Variants in ADAM9 observed in about 807,000 individuals in gnomAD.
ADAM9 encodes disintegrin and metalloproteinase domain-containing protein 9.
A neutral mutation model predicts 108.1 loss-of-function variants in ADAM9; 54 were observed. The observed-to-expected ratio is 0.50, with a 90% CI of 0.40 to 0.63. The LOEUF (loss-of-function observed/expected upper bound fraction) is 0.63. Among genes scored for constraint, ADAM9 ranks in the 20% least tolerant of loss-of-function variants. ADAM9 has a pLI of 0.00. For missense variants in ADAM9, 830 were observed against 997.7 expected, an observed-to-expected ratio of 0.83 and a Z score of 2.26; for synonymous variants, 316 against 336.0, an observed-to-expected ratio of 0.94 and a Z score of 0.65.
intron 14 of ADAM9, among the ~76,000 whole-genome samples, chr8:39,061,410 A>T (rs1290259549): frequency 6.6e-6 from 1 of 152,206 alleles, no homozygotes; most frequent in Non-Finnish European, 1.5e-5. Flanking sequence ...TTCATCTATC[A>T]CCTGACCTTC....
chr8:39,084,661 T>C (rs978582585), intron 18 of ADAM9, among the ~76,000 whole-genome samples: 1 of 151,968 alleles, frequency 6.6e-6, no homozygotes, highest in Non-Finnish European at 1.5e-5. Flanking sequence ...TTGAAAAGAA[T>C]GCGTATTCTA....
intron 6 of ADAM9, among the ~76,000 whole-genome samples, chr8:39,018,005 T>C (rs1291132745): frequency 2.6e-5 from 4 of 152,230 alleles, no homozygotes; most frequent in African/African-American, 9.6e-5. Context: ...TCAGATGTGT[T>C]TCAAGGACAC....
chr8:39,050,815 G>A (rs1172199508), intron 12 of ADAM9, among the ~76,000 whole-genome samples: 1 of 149,058 alleles, frequency 6.7e-6, no homozygotes, highest in Admixed American at 6.8e-5. Context: ...TCTTTCCAGG[G>A]AAAAGCTTGG....
intron 19 of ADAM9, 83 bp from the exon 20 acceptor site, chr8:39,091,176 T>A: frequency 7.6e-7 from 1 of 1,322,112 alleles, no homozygotes; most frequent in East Asian, 2.3e-5. Context: ...TATTCTGTAT[T>A]TGGGAAAATG....
chr8:39,083,797 G>T (rs1394304211), intron 18 of ADAM9, among the ~76,000 whole-genome samples: 1 of 152,106 alleles, frequency 6.6e-6, no homozygotes, highest in Non-Finnish European at 1.5e-5. Context: ...CAGTTTATCG[G>T]TATCTTTCTA....
In ADAM9 at chr8:39,051,722, C is replaced by T. The variant is rs887991641; in HGVS notation, c.1303-2759C>T. Reference sequence around the variant, plus strand: ...AAATTGACTTAAAATCTCTTGTGTGCAGATTTTTTTCTATTACGATATCCT... The same window carrying T: ...AAATTGACTTAAAATCTCTTGTGTGTAGATTTTTTTCTATTACGATATCCT... On this transcript the variant is annotated intron_variant, in intron 12 of 21. Transcript: ENST00000487273. Among the ~76,000 whole-genome samples the T allele has an allele frequency of 3.9e-5, 6 of 152,082 alleles. No homozygotes were observed. In the South Asian group the frequency reaches 8.3e-4, roughly 21 times the overall value.
Position 39,071,314 on chromosome 8 carries a change from C to T in ADAM9, c.1608C>T (p.Pro536=). The T allele has an allele frequency of 5.0e-6, 8 of 1,613,970 alleles. No individual in the cohort carries two copies. The highest frequency in any genetic ancestry group is 6.8e-6 in the Non-Finnish European group (8 of 1,180,006). Residue 536 remains proline (P), a synonymous_variant, in exon 15 of 22, where the codon CCC becomes CCT. Transcript: ENST00000487273. ...ATGTTACAGAAGCCAAGGCTGCCCC[C>T]AAAGATTGTTTCATTGAAGTGAATT... ...VIFGSKAKAA[P]KDCFIEVNSK...
intron 15 of ADAM9, chr8:39,076,094 G>GAA (rs1321800418): frequency 3.9e-5 from 6 of 152,196 alleles, no homozygotes; most frequent in South Asian, 2.1e-4. Flanking sequence ...GAACTTAATA[G>GAA]AAGTACAGTA....
chr8:39,082,635 T>C lies in ADAM9; in HGVS notation c.1882-6T>C. 1.2e-6 allele frequency: 2 copies of C among 1,611,340 alleles called. No individual in the cohort carries two copies. The highest frequency in any genetic ancestry group is 1.7e-6 in the Non-Finnish European group (2 of 1,178,428). ...TCTTTACTTAGTTCATTTTTTTTTTTTTCAGATCTGTAGAAACTTCCAGTG... is the reference window on the plus strand; with the variant it reads ...TCTTTACTTAGTTCATTTTTTTTTTCTTCAGATCTGTAGAAACTTCCAGTG... On this transcript the variant is annotated splice_region_variant and splice_polypyrimidine_tract_variant and intron_variant, in intron 16 of 21. Transcript: ENST00000487273.
chr8:39,099,470 G>T (rs1248967466), intron 20 of ADAM9, among the ~76,000 whole-genome samples: 1 of 152,064 alleles, frequency 6.6e-6, no homozygotes, highest in African/African-American at 2.4e-5. Flanking sequence ...TCCACTATTT[G>T]CAAGAAGTGA....
At chr8:39,053,626 T>C (rs560440471) in intron 12 of ADAM9, among the ~76,000 whole-genome samples, 1 of 152,268 alleles carries the variant, frequency 6.6e-6, no homozygotes, top group East Asian at 1.9e-4. Context: ...CTTATAAAGC[T>C]GTACCACAGA....
intron 12 of ADAM9, among the ~76,000 whole-genome samples, chr8:39,048,843 T>C (rs986921190): frequency 2.0e-5 from 3 of 152,080 alleles, no homozygotes; most frequent in Non-Finnish European, 4.4e-5. Flanking sequence ...TTGTGTTTTG[T>C]GACAATTCTG....
rs991293666 is a variant in ADAM9, at chr8:39,071,378, A to C, written c.1672A>C (p.Asn558His). The C allele has an allele frequency of 1.2e-6, 2 of 1,614,068 alleles. No individual in the cohort carries two copies. The highest frequency in any genetic ancestry group is 1.7e-6 in the Non-Finnish European group (2 of 1,179,966). Residue 558 changes from asparagine (N) to histidine (H), a missense_variant, in exon 15 of 22, where the codon AAT becomes CAT. This residue lies in a region of ADAM9 where 381 missense variants were observed against 539.8 expected (regional missense o/e 0.71). Transcript: ENST00000487273. Reference sequence around the variant, plus strand: ...ATTTGGCAATTGTGGTTTCTCTGGCAATGAATACAAGAAGTGTGCCACTGG... The same window carrying C: ...ATTTGGCAATTGTGGTTTCTCTGGCCATGAATACAAGAAGTGTGCCACTGG... The part of the protein sequence containing the change: ...DRFGNCGFSG[N>H]EYKKCATGNA...
chr8:39,052,853 G>A (rs544243703), intron 12 of ADAM9, among the ~76,000 whole-genome samples: 4 of 152,156 alleles, frequency 2.6e-5, no homozygotes, highest in East Asian at 3.9e-4. Context: ...TAAATGTCCC[G>A]GAGTAGAATG....
chr8:39,072,548 C>T (rs973393123), intron 15 of ADAM9, among the ~76,000 whole-genome samples: 3 of 152,140 alleles, frequency 2.0e-5, no homozygotes, highest in African/African-American at 4.8e-5. Flanking sequence ...CATGTGATTT[C>T]GTTTACTTCC....
At chr8:39,034,073 T>C (rs72638579) in intron 11 of ADAM9, among the ~76,000 whole-genome samples, 2,871 of 152,262 alleles carry the variant, frequency 0.019, 51 homozygotes, top group Non-Finnish European at 0.029. Flanking sequence ...ATTTTCACTT[T>C]GTAGAAATGG....
chr8:39,016,211 ATCT>A lies in ADAM9; in HGVS notation c.410+22_410+24del, dbSNP rs1387103167. 4 of 1,605,384 alleles carry A rather than the reference ATCT, an allele frequency of 2.5e-6. No individual in the cohort carries two copies. The highest frequency in any genetic ancestry group is 3.3e-5 in the Admixed American group (2 of 59,960). ...TGGACTCAGGTAAGCAATTTCCTTT[ATCT>A]TCTTTTTTTTTGTTTCCCCTATGTC... On this transcript the variant is annotated intron_variant, in intron 5 of 21. Transcript: ENST00000487273.
Position 39,023,224 on chromosome 8 carries a change from CA to C in ADAM9, c.815del (p.Asn272ThrfsTer2). Reference protein sequence around the residue: ...LEIWTNGNLINIVGGAGDVLG... With the variant: ...LEIWTNGNLIXIVGGAGDVLG... The stretch of plus-strand genomic sequence containing the variant: ...AGATTTGGACCAATGGAAACCTGAT[CA>C]ACATAGTTGGGGGTGCTGGTGATGT... On this transcript the variant is annotated frameshift_variant, in exon 9 of 22. Transcript: ENST00000487273. LOFTEE classifies it high-confidence loss of function. 1 of 1,613,778 alleles carries C rather than the reference CA, an allele frequency of 6.2e-7. No individual in the cohort carries two copies. The highest frequency in any genetic ancestry group is 8.5e-7 in the Non-Finnish European group (1 of 1,179,886).
At chr8:39,072,217 C>T (rs1838716909) in intron 15 of ADAM9, among the ~76,000 whole-genome samples, 1 of 152,188 alleles carries the variant, frequency 6.6e-6, no homozygotes, top group African/African-American at 2.4e-5. Flanking sequence ...CATATATGTT[C>T]ACTAATATCA....
Sources: gnomAD v4.1 joint callset for allele counts (sites outside exome capture counted in the v4.1 genomes callset) on GRCh38, gnomAD v4.1.1 for gene constraint, gnomAD v4.1.1 regional missense constraint, MANE v1.5 for transcripts, NCBI Gene and HGNC (gene_info 2026-07-23, HGNC 2026-07-21) for gene names.